Variants in KDM2B observed in about 807,000 individuals in gnomAD.
KDM2B encodes the protein lysine-specific demethylase 2B.
A neutral mutation model predicts 150.0 loss-of-function variants in KDM2B; 26 were observed. The ratio of observed to expected loss-of-function variants is 0.17; its 90% CI spans 0.13 to 0.24. The LOEUF (loss-of-function observed/expected upper bound fraction) is 0.24, where lower values mean the gene tolerates loss of function less well. Ranked by LOEUF, KDM2B falls within the 10% of genes least tolerant of loss-of-function variation. KDM2B has a pLI of 1.00. For missense variants in KDM2B, 1,265 were observed against 1,816.9 expected, an observed-to-expected ratio of 0.70 and a Z score of 5.52; for synonymous variants, 734 against 729.5, an observed-to-expected ratio of 1.01 and a Z score of -0.10.
chr12:121,555,615 T>C (rs1555312558), intron 4 of KDM2B, among the ~76,000 whole-genome samples: 1 of 152,182 alleles, frequency 6.6e-6, no homozygotes, highest in Non-Finnish European at 1.5e-5. Context: ...TCAAGTCATC[T>C]GCCCACCTAG....
rs1593756566 is a variant in KDM2B, at chr12:121,444,086, T to C, written c.2377A>G (p.Arg793Gly). 1 of 1,613,982 alleles carries C rather than the reference T, an allele frequency of 6.2e-7. No homozygotes were observed. Among genetic ancestry groups the C allele is most frequent in the Non-Finnish European group, 8.5e-7 (1 of 1,180,038 alleles). ...KKVPPDGLLR[R>G]KSDDVHLRKK... ...CTCAGGTGCACGTCGTCAGACTTTC[T>C]GCGCAGAAGGCCGTCCGGCGGCACC... Residue 793 changes from arginine (R) to glycine (G), a missense_variant, in exon 16 of 23, where the codon AGA (arginine) becomes GGA (glycine). Coordinates refer to ENST00000377071, the MANE Select transcript of KDM2B (RefSeq NM_032590.5).
chr12:121,508,925 G>A (rs1033583724), intron 11 of KDM2B, among the ~76,000 whole-genome samples: 10 of 152,218 alleles, frequency 6.6e-5, no homozygotes, highest in Non-Finnish European at 1.3e-4. Flanking sequence ...CAAGGCTGGA[G>A]GGGTTCGTCT....
At chr12:121,437,280 C>T (rs1874170562) in intron 22 of KDM2B, among the ~76,000 whole-genome samples, 1 of 151,746 alleles carries the variant, frequency 6.6e-6, no homozygotes, top group South Asian at 2.1e-4. Context: ...CAAAATGAGG[C>T]AATTAATAAA....
At chr12:121,413,415 CTTTT>C in the KDM2B span, among the ~76,000 whole-genome samples, 1 of 130,694 alleles carries the variant, frequency 7.7e-6, no homozygotes, top group African/African-American at 3.2e-5. Context: ...TTTACCTGTC[CTTTT>C]TTTTTTTTTT....
chr12:121,547,831 CAG>C (rs1352463271), intron 6 of KDM2B, among the ~76,000 whole-genome samples: 2 of 151,828 alleles, frequency 1.3e-5, no homozygotes, highest in African/African-American at 4.8e-5. Context: ...TTCGTAGAGA[CAG>C]AGTTTTGCCA....
At chr12:121,551,195 GAATA>G in intron 4 of KDM2B, among the ~76,000 whole-genome samples, 1 of 152,174 alleles carries the variant, frequency 6.6e-6, no homozygotes, top group Non-Finnish European at 1.5e-5. Flanking sequence ...AATATTTGTT[GAATA>G]AATAAACATA....
intron 22 of KDM2B, among the ~76,000 whole-genome samples, chr12:121,435,038 A>G (rs1383856760): frequency 1.5e-4 from 5 of 32,394 alleles, no homozygotes; most frequent in Admixed American, 2.8e-4. Context: ...CAACAAAGGG[A>G]AAAAAAAAAA....
chr12:121,574,346 G>A (rs917658314), intron 4 of KDM2B: 10 of 515,064 alleles, frequency 1.9e-5, no homozygotes, highest in African/African-American at 5.9e-5. Context: ...ACCGGCAAAC[G>A]CCCTCTGATA....
At chr12:121,569,610 C>A (rs1890946736) in intron 4 of KDM2B, among the ~76,000 whole-genome samples, 1 of 152,184 alleles carries the variant, frequency 6.6e-6, no homozygotes, top group Non-Finnish European at 1.5e-5. Context: ...TCACTTATAA[C>A]AAATGTGCCC....
rs1555294957 is a variant in KDM2B at position 121,467,073 on chromosome 12, G to A, written c.1735-13729C>T. ...TTCTCCTCATCGCGGCGGCGGCGGC[G>A]TCGCGGCCGCCCTCGGCGCGTCAGA... On this transcript the variant is annotated intron_variant, in intron 12 of 22. Transcript: ENST00000377071. The surrounding 1 kb of genome is among the most constrained non-coding windows in gnomAD (Gnocchi z 5.1). 3.8e-6 allele frequency: 3 copies of A among 782,474 alleles called. No homozygotes were observed. The highest frequency in any genetic ancestry group is 4.8e-6 in the Non-Finnish European group (3 of 621,766). The allele number at this position is 782,474 out of a possible 1,614,324, so 48.5% of individuals were successfully genotyped here.
At chr12:121,488,362 GA>G (rs1882998101) in intron 12 of KDM2B, among the ~76,000 whole-genome samples, 1 of 152,074 alleles carries the variant, frequency 6.6e-6, no homozygotes, top group Non-Finnish European at 1.5e-5. Context: ...CCATAATTAC[GA>G]AAAACTAGAC....
chr12:121,431,637 C>T (rs1335671295), intron 22 of KDM2B, among the ~76,000 whole-genome samples: 3 of 152,132 alleles, frequency 2.0e-5, no homozygotes, highest in African/African-American at 7.2e-5. Context: ...AGTCAGAGCA[C>T]CACATACGCC....
chr12:121,544,383 G>A (rs1017229419), intron 6 of KDM2B, among the ~76,000 whole-genome samples: 9 of 152,200 alleles, frequency 5.9e-5, no homozygotes, highest in African/African-American at 1.9e-4. Context: ...AGCCAAGGCA[G>A]GTGATCACCT....
At position 121,467,082 on chromosome 12, in the gene KDM2B, G is replaced by A. The variant is rs1173492648; in HGVS notation, c.1735-13738C>T. ...TCGCGGCGGCGGCGGCGTCGCGGCC[G>A]CCCTCGGCGCGTCAGACAGGCGGTC... On this transcript the variant is annotated intron_variant, in intron 12 of 22. Coordinates refer to ENST00000377071, the MANE Select transcript of KDM2B (RefSeq NM_032590.5). This position sits in a 1 kb window ranked among gnomAD's most constrained non-coding sequence, Gnocchi z 5.1. 2.5e-5 allele frequency: 22 copies of A among 875,952 alleles called. No individual in the cohort carries two copies. The highest frequency in any genetic ancestry group is 2.3e-4 in the Admixed American group (4 of 17,736). The allele number at this position is 875,952 out of a possible 1,614,324, so 54.3% of individuals were successfully genotyped here. A position where few individuals can be genotyped will look rare whatever the true frequency, so the allele number is the denominator to read the frequency against.
rs958503937 is a variant in KDM2B at position 121,453,677 on chromosome 12, C to T, written c.1735-333G>A. ...AGCCCTGTCTACAAGCCAAGAAGTG[C>T]CAAGGATGGCAGCACATACCAGGAG... On this transcript the variant is annotated intron_variant, in intron 12 of 22. Coordinates refer to ENST00000377071, the MANE Select transcript of KDM2B (RefSeq NM_032590.5). This position sits in a 1 kb window ranked among gnomAD's most constrained non-coding sequence, Gnocchi z 6.4. Among the ~76,000 whole-genome samples, 5 of 152,090 alleles carry T rather than the reference C, an allele frequency of 3.3e-5. No homozygotes were observed. The highest frequency in any genetic ancestry group is 7.4e-5 in the Non-Finnish European group (5 of 68,002).
At chr12:121,568,654 C>CT (rs1203424378) in intron 4 of KDM2B, among the ~76,000 whole-genome samples, 4 of 152,070 alleles carry the variant, frequency 2.6e-5, no homozygotes, top group African/African-American at 9.7e-5. Flanking sequence ...ATCCAAGGGG[C>CT]TAGAAGTCAG....
chr12:121,549,984 T>A lies in KDM2B; in HGVS notation c.398-346A>T, dbSNP rs1378303619. Among the ~76,000 whole-genome samples, 1 of 152,112 alleles carries A rather than the reference T, an allele frequency of 6.6e-6. No individual in the cohort carries two copies. The highest frequency in any genetic ancestry group is 1.5e-5 in the Non-Finnish European group (1 of 68,012). ...TGAGGTCAGGAGTTTGAGACCAGCC[T>A]GGCCAACATGGTGAAACCCTGTATC... On this transcript the variant is annotated intron_variant, in intron 4 of 22. Coordinates refer to ENST00000377071, the MANE Select transcript of KDM2B (RefSeq NM_032590.5). The surrounding 1 kb of genome is among the most constrained non-coding windows in gnomAD (Gnocchi z 4.4).
At position 121,485,859 on chromosome 12, in the gene KDM2B, C is replaced by G. The variant is rs1487013731; in HGVS notation, c.1734+8720G>C. On this transcript the variant is annotated intron_variant, in intron 12 of 22. Coordinates refer to ENST00000377071, the MANE Select transcript of KDM2B (RefSeq NM_032590.5). The stretch of plus-strand genomic sequence containing the variant: ...TGGCGTGATCTCGGCTCATTGCAAC[C>G]TCCACCTCCTGGGTTCATACAATTC... Among the ~76,000 whole-genome samples, 8 of 151,876 alleles carry G rather than the reference C, an allele frequency of 5.3e-5. No individual in the cohort carries two copies. In the South Asian group the frequency reaches 1.7e-3, roughly 31 times the overall value.
Position 121,521,197 on chromosome 12 carries a change from G to GTGCACAAGGC in KDM2B, c.932-98_932-97insGCCTTGTGCA. 1 of 796,482 alleles carries GTGCACAAGGC rather than the reference G, an allele frequency of 1.3e-6. No homozygotes were observed. The highest frequency in any genetic ancestry group is 2.1e-6 in the Non-Finnish European group (1 of 473,304). 49.3% of individuals were successfully genotyped at this position (796,482 alleles called of 1,614,324 possible). A position where few individuals can be genotyped will look rare whatever the true frequency, so the allele number is the denominator to read the frequency against. ...GGAGGGAGAGCGAGCGTGCAGGAGG[G>GTGCACAAGGC]TGCAGGGAGTGGAGAAGAGCAGCCA... On this transcript the variant is annotated intron_variant, in intron 8 of 22. Coordinates refer to ENST00000377071, the MANE Select transcript of KDM2B (RefSeq NM_032590.5). This position sits in a 1 kb window ranked among gnomAD's most constrained non-coding sequence, Gnocchi z 4.9.
Sources: gnomAD v4.1 joint callset for allele counts (sites outside exome capture counted in the v4.1 genomes callset) on GRCh38, gnomAD v4.1.1 for gene constraint, Gnocchi (gnomAD v3.1) non-coding constraint, MANE v1.5 for transcripts, NCBI Gene and HGNC (gene_info 2026-07-23, HGNC 2026-07-21) for gene names.